Variants in OTUD4 observed in about 807,000 individuals in gnomAD.
OTUD4 encodes OTU domain-containing protein 4.
OTUD4 carries 24 observed loss-of-function variants against 130.4 expected under a neutral mutation model. The observed-to-expected ratio is 0.18, with a 90% CI of 0.13 to 0.26. OTUD4 has a LOEUF of 0.26. Among genes scored for constraint, OTUD4 ranks in the 10% least tolerant of loss-of-function variants. The pLI is 1.00. For synonymous variants in OTUD4, 420 were observed against 472.5 expected (o/e 0.89, Z 1.44); for missense variants, 1,031 against 1,329.4 (o/e 0.78, Z 3.49).
At chr4:145,154,825 A>G (rs1490850176) in intron 10 of OTUD4, among the ~76,000 whole-genome samples, 3 of 151,014 alleles carry the variant, frequency 2.0e-5, no homozygotes, top group Non-Finnish European at 4.4e-5. Flanking sequence ...GACACTGCTG[A>G]ATGTTCAATG....
chr4:145,140,739 C>T (rs1750517607), intron 19 of OTUD4, among the ~76,000 whole-genome samples: 1 of 151,612 alleles, frequency 6.6e-6, no homozygotes, highest in Non-Finnish European at 1.5e-5. Flanking sequence ...GATAAAGCTC[C>T]ACAGTGTTTA....
At chr4:145,178,883 GT>G (rs1752554143) in intron 1 of OTUD4, among the ~76,000 whole-genome samples, 1 of 152,244 alleles carries the variant, frequency 6.6e-6, no homozygotes, top group East Asian at 1.9e-4. Flanking sequence ...GTAGGGAGGG[GT>G]GTGCAATGGG....
intron 18 of OTUD4, among the ~76,000 whole-genome samples, chr4:145,141,865 A>G (rs1355791205): frequency 1.3e-5 from 2 of 152,104 alleles, no homozygotes; most frequent in Non-Finnish European, 2.9e-5. Context: ...CGTGTAGGAC[A>G]TGGGGCTGGT....
intron 1 of OTUD4, chr4:145,179,535 T>C: frequency 9.2e-7 from 1 of 1,090,312 alleles, no homozygotes; most frequent in Non-Finnish European, 1.2e-6. Flanking sequence ...AAATCAACTG[T>C]ACAAGCTCCG....
intron 6 of OTUD4, among the ~76,000 whole-genome samples, chr4:145,160,188 T>C (rs1365483161): frequency 1.3e-5 from 2 of 152,222 alleles, no homozygotes; most frequent in Non-Finnish European, 2.9e-5. Context: ...ACTTGGATGC[T>C]AGTCTAAGCT....
At chr4:145,161,703 T>G (rs962228519) in intron 6 of OTUD4, among the ~76,000 whole-genome samples, 1 of 152,310 alleles carries the variant, frequency 6.6e-6, no homozygotes, top group South Asian at 2.1e-4. Context: ...AGGATGCTAC[T>G]TAACATTCTG....
chr4:145,156,970 T>C (rs1751325103), intron 7 of OTUD4, among the ~76,000 whole-genome samples: 1 of 152,138 alleles, frequency 6.6e-6, no homozygotes, highest in African/African-American at 2.4e-5. Context: ...CAGCTTTTCA[T>C]ATAAACAGAT....
rs1750373528 is a variant in OTUD4, at chr4:145,138,105, C to T, written c.2670G>A (p.Leu890=). Residue 890 remains leucine, a synonymous_variant, in exon 21 of 21, where the codon TTG becomes TTA. Coordinates refer to ENST00000447906, the MANE Select transcript of OTUD4 (RefSeq NM_001366057.1). ...GATCCAGATTTTCCAGAGACAGATC[C>T]AATTCTCCTTTTTCATCAGAGGGCA... ...IVLPSDEKGE[L]DLSLENLDLS... 6.2e-7 allele frequency: 1 copy of T among 1,614,048 alleles called. No individual in the cohort carries two copies. The highest frequency in any genetic ancestry group is 8.5e-7 in the Non-Finnish European group (1 of 1,179,936).
In OTUD4 at chr4:145,138,271, T is replaced by C. The variant is rs1337732472; in HGVS notation, c.2504A>G (p.Asn835Ser). 6 of 1,613,984 alleles carry C rather than the reference T, an allele frequency of 3.7e-6. No homozygotes were observed. The highest frequency in any genetic ancestry group is 5.1e-6 in the Non-Finnish European group (6 of 1,179,886). The change falls in exon 21 of 21, where the codon AAT becomes AGT. Residue 835 changes from asparagine to serine, a missense_variant. Around this residue, in one of 3 missense-constraint regions of OTUD4, gnomAD observed 900 missense variants for 1,095.9 expected, o/e 0.82. Transcript: ENST00000447906. ...ADYEESLSGK[N>S]MFPQPSFGPN... is the part of the protein sequence containing the mutation. ...TCCAAAAGATGGCTGGGGGAACATA[T>C]TCTTGCCACTTAGTGACTCTTCATA...
intron 10 of OTUD4, among the ~76,000 whole-genome samples, chr4:145,154,290 T>C (rs551733120): frequency 6.6e-6 from 1 of 152,344 alleles, no homozygotes; most frequent in Admixed American, 6.5e-5. Flanking sequence ...CATAAGGCAG[T>C]ACCTGAATGA....
chr4:145,137,920 G>A lies in OTUD4; in HGVS notation c.2855C>T (p.Ser952Phe), dbSNP rs762134996. 6 of 1,614,128 alleles carry A rather than the reference G, an allele frequency of 3.7e-6. No individual in the cohort carries two copies. In the South Asian group the frequency reaches 6.6e-5, roughly 18 times the overall value. ...CTTTCCCTCTGCTACAGGAGGGATG[G>A]AAGCCAATGCCGTATCTGCCTTTCG... Reference protein sequence around the residue: ...QTRKADTALASIPPVAEGKAH... With the variant: ...QTRKADTALAFIPPVAEGKAH... The change falls in exon 21 of 21, where the codon TCC becomes TTC. Residue 952 changes from serine (S) to phenylalanine (F), a missense_variant. Physicochemically the swap from Ser to Phe is radical, Grantham distance 155. Coordinates refer to ENST00000447906, the MANE Select transcript of OTUD4 (RefSeq NM_001366057.1).
chr4:145,173,982 G>GT (rs1306866362), intron 2 of OTUD4, among the ~76,000 whole-genome samples: 1 of 151,020 alleles, frequency 6.6e-6, no homozygotes, highest in East Asian at 1.9e-4. Context: ...TACACTCAGC[G>GT]TATTTTTTAC....
chr4:145,144,704 G>A (rs916209285), intron 14 of OTUD4, among the ~76,000 whole-genome samples: 1 of 152,046 alleles, frequency 6.6e-6, no homozygotes, highest in African/African-American at 2.4e-5. Flanking sequence ...ATTTCAGGAA[G>A]CCACCCTGAA....
Position 145,137,956 on chromosome 4 carries a change from G to C in OTUD4, c.2819C>G (p.Ser940Cys), listed in dbSNP as rs1750363286. 3 of 1,614,192 alleles carry C rather than the reference G, an allele frequency of 1.9e-6. No homozygotes were observed. The highest frequency in any genetic ancestry group is 2.2e-5 in the East Asian group (1 of 44,854). ...CGTATCTGCCTTTCGTGTCTGGGAA[G>C]ATTGCTCTGTCCGGCCTTCGTCCGG... ...SKPDEGRTEQ[S>C]SQTRKADTAL... Residue 940 changes from serine to cysteine, a missense_variant, in exon 21 of 21, where the codon TCT becomes TGT. Physicochemically the swap from Ser to Cys is moderately radical, Grantham distance 112. Coordinates refer to ENST00000447906, the MANE Select transcript of OTUD4 (RefSeq NM_001366057.1).
In OTUD4 at chr4:145,143,370, C is replaced by A; in HGVS notation, c.1678G>T (p.Glu560Ter). 1.9e-6 allele frequency: 3 copies of A among 1,591,212 alleles called. No individual in the cohort carries two copies. Among genetic ancestry groups the A allele is most frequent in the Non-Finnish European group, 2.6e-6 (3 of 1,159,618 alleles). The change falls in exon 17 of 21, where the codon GAA becomes TAA. Residue 560 changes from glutamate to a stop codon, truncating the protein, a stop_gained. Coordinates refer to ENST00000447906, the MANE Select transcript of OTUD4 (RefSeq NM_001366057.1). LOFTEE classifies it high-confidence loss of function. ...SKKLECPSPA[E>*]QKPAEHVSLS... ...AAATGCAACAATATACTTACTTGTT[C>A]CGCAGGAGAAGGGCACTCTAACTTC...
Position 145,136,779 on chromosome 4 carries a change from AAG to A in OTUD4, c.*649_*650del, listed in dbSNP as rs779128829. The stretch of plus-strand genomic sequence containing the variant: ...CAAAAATATACCTTATGAATATTAA[AAG>A]AACTATATACAACATTGCTAAGACA... On this transcript the variant is annotated 3_prime_UTR_variant, in exon 21 of 21. Transcript: ENST00000447906. 3 of 152,650 alleles carry A rather than the reference AAG, an allele frequency of 2.0e-5. No individual in the cohort carries two copies. The highest frequency in any genetic ancestry group is 1.9e-4 in the East Asian group (1 of 5,198). The allele number at this position is 152,650 out of a possible 1,614,324, so 9.5% of individuals were successfully genotyped here. A position where few individuals can be genotyped will look rare whatever the true frequency, so the allele number is the denominator to read the frequency against.
chr4:145,151,530 G>C (rs773182986), intron 11 of OTUD4, among the ~76,000 whole-genome samples: 6 of 152,134 alleles, frequency 3.9e-5, no homozygotes, highest in Non-Finnish European at 8.8e-5. Flanking sequence ...AGCTACTGGG[G>C]AGGCTGAGGC....
At chr4:145,149,515 T>C (rs1313699579) in intron 13 of OTUD4, 1 of 152,204 alleles carries the variant, frequency 6.6e-6, no homozygotes, top group Non-Finnish European at 1.5e-5. Flanking sequence ...ACATAAAACA[T>C]ATTTTTTTCT....
intron 11 of OTUD4, 148 bp downstream of exon 11, chr4:145,152,393 G>A (rs959943795): frequency 7.0e-6 from 4 of 568,700 alleles, no homozygotes; most frequent in Admixed American, 3.4e-5. Context: ...TTACAGGCAT[G>A]AGCCACCGTC....
Sources: gnomAD v4.1 joint callset for allele counts (sites outside exome capture counted in the v4.1 genomes callset) on GRCh38, gnomAD v4.1.1 for gene constraint, gnomAD v4.1.1 regional missense constraint, MANE v1.5 for transcripts, NCBI Gene and HGNC (gene_info 2026-07-23, HGNC 2026-07-21) for gene names.